Variants in UBR2 observed in about 807,000 individuals in gnomAD.
The protein encoded by UBR2 is ubiquitin protein ligase E3 component n-recognin 2, also known as E3 ubiquitin-protein ligase UBR2.
In UBR2, 92 loss-of-function variants were observed where a neutral mutation model predicts 247.9. The ratio of observed to expected loss-of-function variants is 0.37; its 90% confidence interval spans 0.31 to 0.44. The LOEUF is 0.44. Ranked by LOEUF, UBR2 falls within the 20% of genes least tolerant of loss-of-function variation. The pLI is 1.00. For synonymous variants in UBR2, 672 were observed against 693.5 expected (o/e 0.97, Z 0.49); for missense variants, 1,613 against 2,112.6 (o/e 0.76, Z 4.64).
chr6:42,686,442 A>C (rs1323217993), intron 44 of UBR2, among the ~76,000 whole-genome samples: 1 of 151,974 alleles, frequency 6.6e-6, no homozygotes, highest in African/African-American at 2.4e-5. Flanking sequence ...AATTTTTCTT[A>C]GTACAGAACA....
intron 8 of UBR2, among the ~76,000 whole-genome samples, chr6:42,614,387 T>TGTAC (rs1283929351): frequency 2.4e-4 from 31 of 127,788 alleles, no homozygotes; most frequent in African/African-American, 6.6e-4. Flanking sequence ...TATATATGTA[T>TGTAC]GTACGTACAT....
chr6:42,689,708 C>T lies in UBR2; in HGVS notation c.5126+38C>T. 6.4e-7 allele frequency: 1 copy of T among 1,559,330 alleles called. No homozygotes were observed. Among genetic ancestry groups the T allele is most frequent in the East Asian group, 2.2e-5 (1 of 44,452 alleles). On this transcript the variant is annotated intron_variant, in intron 46 of 46. Coordinates refer to ENST00000372901, the MANE Select transcript of UBR2 (RefSeq NM_001363705.2). The surrounding 1 kb of genome is among the most constrained non-coding windows in gnomAD (Gnocchi z 4.0). The stretch of plus-strand genomic sequence containing the variant: ...CCTGAGTTAGCTAACTCAGGGCCTG[C>T]AGCGCCCTTCCGTATGTGGTGACGT...
At chr6:42,667,115 C>T (rs891495621) in intron 34 of UBR2, among the ~76,000 whole-genome samples, 45 of 152,262 alleles carry the variant, frequency 3.0e-4, no homozygotes, top group African/African-American at 1.0e-3. Context: ...GCGGGCAGAT[C>T]ACTTGAGGTC....
chr6:42,652,673 A>G, intron 25 of UBR2, 28 bp downstream of exon 25: 1 of 1,578,322 alleles, frequency 6.3e-7, no homozygotes, highest in Non-Finnish European at 8.6e-7. Flanking sequence ...TATTATTTAT[A>G]TTTTAGTATT....
At chr6:42,616,694 C>A (rs1329166018) in intron 10 of UBR2, among the ~76,000 whole-genome samples, 1 of 149,936 alleles carries the variant, frequency 6.7e-6, no homozygotes, top group East Asian at 1.9e-4. Context: ...TAGTTAAGTT[C>A]TCCCTTTTAG....
At chr6:42,601,128 A>G (rs1470399362) in intron 4 of UBR2, among the ~76,000 whole-genome samples, 6 of 152,110 alleles carry the variant, frequency 3.9e-5, no homozygotes, top group East Asian at 1.9e-4. Flanking sequence ...AAACTCTTCA[A>G]TCCTTAAATG....
At chr6:42,684,731 T>A in intron 43 of UBR2, 63 bp from the exon 44 acceptor site, 1 of 1,270,312 alleles carries the variant, frequency 7.9e-7, no homozygotes, top group Non-Finnish European at 1.1e-6. Flanking sequence ...CACATGGAAG[T>A]GCCTCATAGT....
intron 4 of UBR2, among the ~76,000 whole-genome samples, chr6:42,596,836 A>G (rs1333223240): frequency 6.6e-6 from 1 of 152,174 alleles, no homozygotes; most frequent in Non-Finnish European, 1.5e-5. Context: ...GAAGAGGAAA[A>G]TGGAGAGAAA....
chr6:42,661,988 G>A (rs1032251635), intron 30 of UBR2, among the ~76,000 whole-genome samples, 196 bp from the exon 31 acceptor site: 3 of 152,106 alleles, frequency 2.0e-5, no homozygotes, highest in Non-Finnish European at 4.4e-5. Context: ...ATTTGCTGTG[G>A]GTGGTGAAAA....
intron 2 of UBR2, among the ~76,000 whole-genome samples, chr6:42,578,904 G>A (rs570941006): frequency 4.5e-4 from 69 of 151,890 alleles, no homozygotes; most frequent in African/African-American, 1.5e-3. Flanking sequence ...GGGAGGTTGC[G>A]GTGAGCCGAG....
chr6:42,676,425 T>C (rs1046015055), intron 39 of UBR2, among the ~76,000 whole-genome samples: 5 of 152,258 alleles, frequency 3.3e-5, no homozygotes, highest in Admixed American at 2.0e-4. Flanking sequence ...TTGTGTAGAA[T>C]AGTAATTAAA....
chr6:42,656,924 C>T (rs1011458722), intron 26 of UBR2, among the ~76,000 whole-genome samples: 13 of 152,016 alleles, frequency 8.6e-5, no homozygotes, highest in African/African-American at 1.2e-4. Context: ...TAATTTCATT[C>T]ACTCATCACT....
intron 7 of UBR2, among the ~76,000 whole-genome samples, chr6:42,607,963 A>T (rs1174655087): frequency 2.6e-5 from 4 of 152,010 alleles, no homozygotes; most frequent in Non-Finnish European, 5.9e-5. Flanking sequence ...TGTGTTGATA[A>T]GTGTTGCTGT....
At chr6:42,574,063 T>C in intron 2 of UBR2, 70 bp downstream of exon 2, 3 of 1,423,722 alleles carry the variant, frequency 2.1e-6, no homozygotes, top group Non-Finnish European at 2.8e-6. Context: ...CTGGAACTTT[T>C]GAGTTTTTGT....
intron 22 of UBR2, 144 bp from the exon 23 acceptor site, chr6:42,650,140 A>T: frequency 1.6e-6 from 1 of 626,512 alleles, no homozygotes; most frequent in Non-Finnish European, 2.7e-6. Context: ...TAGACTGCCA[A>T]ATCAACCCAC....
Position 42,689,749 on chromosome 6 carries a change from C to T in UBR2, c.5126+79C>T. The T allele has an allele frequency of 7.8e-7, 1 of 1,288,948 alleles. No individual in the cohort carries two copies. The highest frequency in any genetic ancestry group is 1.7e-5 in the Admixed American group (1 of 57,988). The allele number at this position is 1,288,948 out of a possible 1,614,324, so 79.8% of individuals were successfully genotyped here. On this transcript the variant is annotated intron_variant, in intron 46 of 46. Transcript: ENST00000372901. This position sits in a 1 kb window ranked among gnomAD's most constrained non-coding sequence, Gnocchi z 4.0. ...GTGGTGACGTCCTGAGGGTGGAGGG[C>T]TGAGGTGGTTCTGGAAGAGGTGGCT...
Position 42,616,079 on chromosome 6 carries a change from C to T in UBR2, c.1171C>T (p.Arg391Ter). The T allele has an allele frequency of 6.2e-7, 1 of 1,603,570 alleles. No homozygotes were observed. Among genetic ancestry groups the T allele is most frequent in the Non-Finnish European group, 8.5e-7 (1 of 1,177,244 alleles). The change falls in exon 10 of 47, where the codon CGA (arginine) becomes TGA (stop). Residue 391 changes from arginine (R) to a stop codon, truncating the protein, a stop_gained. Coordinates refer to ENST00000372901, the MANE Select transcript of UBR2 (RefSeq NM_001363705.2). LOFTEE classifies it high-confidence loss of function. ...GAAATACAAGAAACTATTTGCTGTT[C>T]GATTTGCAAAAGTAAGTGGCTTTTC... is the stretch of plus-strand genomic sequence containing the variant. ...DLKYKKLFAV[R>*]FAKNYERLQS...
At chr6:42,583,829 C>T (rs1167638827) in intron 2 of UBR2, among the ~76,000 whole-genome samples, 1 of 151,764 alleles carries the variant, frequency 6.6e-6, no homozygotes, top group African/African-American at 2.4e-5. Context: ...CGGCCTCTCT[C>T]TCTAATTTTT....
At chr6:42,632,957 T>TA in intron 13 of UBR2, 53 bp downstream of exon 13, 12 of 902,562 alleles carry the variant, frequency 1.3e-5, no homozygotes, top group Admixed American at 4.2e-5. Flanking sequence ...TTCTCTTTTC[T>TA]CTTTTTTTTT....
Sources: gnomAD v4.1 joint callset for allele counts (sites outside exome capture counted in the v4.1 genomes callset) on GRCh38, gnomAD v4.1.1 for gene constraint, Gnocchi (gnomAD v3.1) non-coding constraint, MANE v1.5 for transcripts, NCBI Gene and HGNC (gene_info 2026-07-23, HGNC 2026-07-21) for gene names.